Variants in PAPSS1 observed in about 807,000 individuals in gnomAD.
PAPSS1 encodes the protein bifunctional 3'-phosphoadenosine 5'-phosphosulfate synthase 1.
Under a neutral mutation model 72.0 loss-of-function variants are expected in PAPSS1, and 50 were observed. That is an observed-to-expected ratio of 0.69 (90% CI 0.55 to 0.88). PAPSS1 has a LOEUF of 0.88. Ranked by LOEUF, PAPSS1 falls within the 40% of genes least tolerant of loss-of-function variation. The pLI, the probability that PAPSS1 is intolerant of heterozygous loss-of-function variation, is 0.00. For missense variants in PAPSS1, 657 were observed against 782.2 expected (o/e 0.84, Z 1.91); for synonymous variants, 261 against 263.6 (o/e 0.99, Z 0.09).
At chr4:107,714,524 C>T (rs1339840014) in intron 1 of PAPSS1, among the ~76,000 whole-genome samples, 2 of 152,148 alleles carry the variant, frequency 1.3e-5, no homozygotes, top group African/African-American at 4.8e-5. Flanking sequence ...CTATGAGTAA[C>T]TGATCCATCT....
intron 1 of PAPSS1, among the ~76,000 whole-genome samples, chr4:107,706,319 CT>C (rs1195209556): frequency 1.4e-4 from 21 of 152,180 alleles, no homozygotes; most frequent in African/African-American, 4.8e-4. Context: ...TTCTCCATTA[CT>C]TTTCATTCTT....
chr4:107,643,598 T>C (rs886457194), intron 10 of PAPSS1, among the ~76,000 whole-genome samples: 9 of 152,090 alleles, frequency 5.9e-5, no homozygotes, highest in Non-Finnish European at 1.2e-4. Context: ...GCTCTCAGGG[T>C]ATCCAATCTT....
At chr4:107,647,095 A>T (rs1214040879) in intron 9 of PAPSS1, among the ~76,000 whole-genome samples, 1 of 152,212 alleles carries the variant, frequency 6.6e-6, no homozygotes, top group Non-Finnish European at 1.5e-5. Flanking sequence ...GCAGCTGGAG[A>T]CATGCTGAGC....
chr4:107,664,501 G>C (rs1265210886), intron 5 of PAPSS1, among the ~76,000 whole-genome samples: 1 of 152,124 alleles, frequency 6.6e-6, no homozygotes, highest in Non-Finnish European at 1.5e-5. Flanking sequence ...ACAGGGCTGG[G>C]ACTGTTCTCT....
At chr4:107,696,490 G>A (rs969926667) in intron 2 of PAPSS1, among the ~76,000 whole-genome samples, 2 of 152,114 alleles carry the variant, frequency 1.3e-5, no homozygotes, top group South Asian at 4.1e-4. Context: ...ACCAAACACT[G>A]CATGTTCTCT....
intron 9 of PAPSS1, among the ~76,000 whole-genome samples, chr4:107,651,875 T>C (rs1241836114): frequency 6.6e-6 from 1 of 152,220 alleles, no homozygotes; most frequent in African/African-American, 2.4e-5. Flanking sequence ...TAAAATGTTA[T>C]GCTTTAGGTA....
rs747882652 is a variant in PAPSS1 at position 107,631,828 on chromosome 4, T to C, written c.1539A>G (p.Ala513=). Residue 513 remains alanine, a synonymous_variant, in exon 11 of 12, where the codon GCA becomes GCG. Transcript: ENST00000265174. ...VQWHCRARMV[A]GANFYIVGRD... is the part of the protein sequence containing the mutation. ...GTCCAACAATGTAAAAGTTGGCTCC[T>C]GCAACCATCCGTGCTCTGCAATGCC... is the stretch of plus-strand genomic sequence containing the variant. 1 of 1,614,044 alleles carries C rather than the reference T, an allele frequency of 6.2e-7. No homozygotes were observed. Among genetic ancestry groups the C allele is most frequent in the Non-Finnish European group, 8.5e-7 (1 of 1,179,936 alleles).
intron 10 of PAPSS1, among the ~76,000 whole-genome samples, chr4:107,641,830 A>C (rs1726552955): frequency 6.6e-6 from 1 of 152,198 alleles, no homozygotes; most frequent in South Asian, 2.1e-4. Context: ...AGACTTATGA[A>C]GCAGCCTAGA....
Position 107,644,933 on chromosome 4 carries a change from T to C in PAPSS1, c.1375A>G (p.Lys459Glu). The C allele has an allele frequency of 6.2e-7, 1 of 1,614,036 alleles. No individual in the cohort carries two copies. The highest frequency in any genetic ancestry group is 8.5e-7 in the Non-Finnish European group (1 of 1,179,944). The part of the protein sequence containing the change: ...LLLHPLGGWT[K>E]DDDVPLMWRM... ...CACATCAAAGGAACATCGTCATCCTTTGTCCAGCCACCCAGAGGGTGGAGG... is the reference window on the plus strand; with the variant it reads ...CACATCAAAGGAACATCGTCATCCTCTGTCCAGCCACCCAGAGGGTGGAGG... Residue 459 changes from lysine to glutamate, a missense_variant, in exon 10 of 12, where the codon AAG becomes GAG. By Grantham distance (56) the Lys-to-Glu change is moderately conservative (BLOSUM62 1). Around this residue, in one of 7 missense-constraint regions of PAPSS1, gnomAD observed 166 missense variants for 228.3 expected, o/e 0.73. Transcript: ENST00000265174.
chr4:107,690,785 A>G (rs2522422), intron 3 of PAPSS1, among the ~76,000 whole-genome samples: 121,264 of 152,048 alleles, frequency 0.8, 51,347 homozygotes, highest in South Asian at 0.95. Context: ...TGAGGTCAAC[A>G]AAGATTTTGC....
At chr4:107,625,081 G>GTA (rs1726056728) in intron 11 of PAPSS1, among the ~76,000 whole-genome samples, 1 of 152,158 alleles carries the variant, frequency 6.6e-6, no homozygotes, top group Non-Finnish European at 1.5e-5. Context: ...TATTATGAGG[G>GTA]TAAAGGTAAA....
intron 5 of PAPSS1, among the ~76,000 whole-genome samples, chr4:107,668,620 C>G (rs1727384233): frequency 6.6e-6 from 1 of 152,060 alleles, no homozygotes; most frequent in Admixed American, 6.5e-5. Flanking sequence ...AGCCTCCCAG[C>G]CTACATCTTT....
intron 5 of PAPSS1, among the ~76,000 whole-genome samples, chr4:107,673,325 C>T (rs1221850869): frequency 1.3e-5 from 2 of 152,006 alleles, no homozygotes; most frequent in Non-Finnish European, 2.9e-5. Flanking sequence ...AAAAATTAGA[C>T]AAATGGCTAA....
Position 107,694,017 on chromosome 4 carries a change from A to G in PAPSS1, c.176-11T>C. The G allele has an allele frequency of 6.5e-7, 1 of 1,540,432 alleles. No individual in the cohort carries two copies. Among genetic ancestry groups the G allele is most frequent in the Non-Finnish European group, 9.0e-7 (1 of 1,116,118 alleles). On this transcript the variant is annotated splice_polypyrimidine_tract_variant and intron_variant, in intron 2 of 11. Coordinates refer to ENST00000265174, the MANE Select transcript of PAPSS1 (RefSeq NM_005443.5). ...CCGCTCCAGACAAGCCTAAAATTAA[A>G]CAGTCCAAACAGATTCCATGTGTAA...
At chr4:107,659,186 C>T (rs983122732) in intron 6 of PAPSS1, among the ~76,000 whole-genome samples, 6 of 152,144 alleles carry the variant, frequency 3.9e-5, no homozygotes, top group African/African-American at 9.7e-5. Flanking sequence ...GGTCAGAGAC[C>T]CAATCACACA....
At chr4:107,708,160 T>C (rs2125940124) in intron 1 of PAPSS1, among the ~76,000 whole-genome samples, 1 of 151,064 alleles carries the variant, frequency 6.6e-6, no homozygotes, top group Admixed American at 6.6e-5. Flanking sequence ...TACTTTTACA[T>C]ATTTAATAAT....
intron 5 of PAPSS1, among the ~76,000 whole-genome samples, chr4:107,680,221 T>C (rs1017353411): frequency 1.3e-5 from 2 of 151,954 alleles, no homozygotes; most frequent in African/African-American, 4.8e-5. Flanking sequence ...TGGGGAATTC[T>C]AAACAGTAAG....
At chr4:107,658,618 T>G (rs1727082245) in intron 6 of PAPSS1, among the ~76,000 whole-genome samples, 1 of 152,260 alleles carries the variant, frequency 6.6e-6, no homozygotes, top group African/African-American at 2.4e-5. Context: ...TGGAGTACAG[T>G]AAAATGCAGC....
At chr4:107,628,832 CAG>C (rs1451245084) in intron 11 of PAPSS1, among the ~76,000 whole-genome samples, 1 of 152,148 alleles carries the variant, frequency 6.6e-6, no homozygotes, top group Non-Finnish European at 1.5e-5. Context: ...GACAAGGAAA[CAG>C]GGCAGAGAAG....
Sources: gnomAD v4.1 joint callset for allele counts (sites outside exome capture counted in the v4.1 genomes callset) on GRCh38, gnomAD v4.1.1 for gene constraint, gnomAD v4.1.1 regional missense constraint, MANE v1.5 for transcripts, NCBI Gene and HGNC (gene_info 2026-07-23, HGNC 2026-07-21) for gene names.